The following PARD3B variants were observed in gnomAD, a reference collection of about 807,000 sequenced individuals.
The protein encoded by PARD3B is partitioning defective 3 homolog B.
Under a neutral mutation model 130.2 loss-of-function variants are expected in PARD3B, and 103 were observed. That is an observed-to-expected ratio of 0.79 (90% CI 0.67 to 0.93). PARD3B has a LOEUF of 0.93. Among genes scored for constraint, PARD3B ranks in the 40% least tolerant of loss-of-function variants. The pLI is 0.00. For missense variants in PARD3B, 1,609 were observed against 1,499.2 expected, an observed-to-expected ratio of 1.07 and a Z score of -1.21; for synonymous variants, 583 against 553.2, an observed-to-expected ratio of 1.05 and a Z score of -0.76.
chr2:205,599,361 T>A (rs1432593751), intron 22 of PARD3B, among the ~76,000 whole-genome samples: 1 of 152,220 alleles, frequency 6.6e-6, no homozygotes, highest in Non-Finnish European at 1.5e-5. Context: ...AGTCTAATGT[T>A]CACACAGTTC....
intron 4 of PARD3B, among the ~76,000 whole-genome samples, chr2:205,061,303 T>C (rs1211173174): frequency 6.6e-6 from 1 of 152,164 alleles, no homozygotes; most frequent in Non-Finnish European, 1.5e-5. Flanking sequence ...AACCATGAGA[T>C]GTGGAAGGCT....
Position 205,011,268 on chromosome 2 carries a change from CG to C in PARD3B, c.395-36309del, listed in dbSNP as rs1695690569. Among the ~76,000 whole-genome samples, 1 of 152,128 alleles carries C rather than the reference CG, an allele frequency of 6.6e-6. No homozygotes were observed. The highest frequency in any genetic ancestry group is 2.4e-5 in the African/African-American group (1 of 41,430). On this transcript the variant is annotated intron_variant, in intron 3 of 22. Transcript: ENST00000406610. This position sits in a 1 kb window ranked among gnomAD's most constrained non-coding sequence, Gnocchi z 4.1. ...ATGGCTTAGCTTGGTGATTCTGGCT[CG>C]GGGTTTCCCAAGAGTCTGTAGCCAA...
rs191401696 is a variant in PARD3B at position 204,736,659 on chromosome 2, T to C, written c.222+50377T>C. On this transcript the variant is annotated intron_variant, in intron 2 of 22. Coordinates refer to ENST00000406610, the MANE Select transcript of PARD3B (RefSeq NM_001302769.2). The stretch of plus-strand genomic sequence containing the variant: ...TATTCCATAGTGTATATGTACCACA[T>C]TTTCTTTATCCACTTGGAAGTTGAT... Among the ~76,000 whole-genome samples the C allele has an allele frequency of 2.8e-4, 42 of 152,346 alleles. 2 individuals carry two copies. In the East Asian group the frequency reaches 5.8e-3, roughly 21 times the overall value.
At chr2:205,509,098 T>A (rs1186535906) in intron 21 of PARD3B, among the ~76,000 whole-genome samples, 2 of 152,010 alleles carry the variant, frequency 1.3e-5, no homozygotes, top group East Asian at 1.9e-4. Context: ...AGCCTTTAAA[T>A]ATAGCATAAA....
intron 22 of PARD3B, among the ~76,000 whole-genome samples, chr2:205,598,824 AC>A (rs1278188660): frequency 1.3e-5 from 2 of 152,206 alleles, no homozygotes; most frequent in African/African-American, 4.8e-5. Context: ...TGTCAAAACC[AC>A]ACAATTACAT....
intron 15 of PARD3B, among the ~76,000 whole-genome samples, chr2:205,233,727 T>C (rs112822285): frequency 3.3e-5 from 5 of 152,248 alleles, no homozygotes; most frequent in African/African-American, 7.2e-5. Flanking sequence ...GCCTTACATG[T>C]GCTCAGAAAA....
intron 2 of PARD3B, among the ~76,000 whole-genome samples, chr2:204,718,910 C>T (rs1407250878): frequency 5.9e-5 from 9 of 152,152 alleles, no homozygotes; most frequent in Non-Finnish European, 1.0e-4. Flanking sequence ...ATATATGTAT[C>T]GTTGCATTTT....
chr2:204,953,511 G>T (rs1234457249), intron 2 of PARD3B, among the ~76,000 whole-genome samples: 1 of 149,780 alleles, frequency 6.7e-6, no homozygotes, highest in Non-Finnish European at 1.5e-5. Flanking sequence ...TTGAAGTTTT[G>T]TTCACTTTTT....
intron 1 of PARD3B, among the ~76,000 whole-genome samples, chr2:204,615,441 A>G (rs1257787672): frequency 1.3e-5 from 2 of 152,204 alleles, no homozygotes; most frequent in Non-Finnish European, 2.9e-5. Flanking sequence ...GACTTATGCT[A>G]ATCTTCCAAA....
At chr2:204,792,169 T>C (rs927056003) in intron 2 of PARD3B, among the ~76,000 whole-genome samples, 1 of 152,188 alleles carries the variant, frequency 6.6e-6, no homozygotes, top group Non-Finnish European at 1.5e-5. Flanking sequence ...ATTTGGTAAA[T>C]AGAAAAATTC....
chr2:205,043,822 A>T (rs1290386815), intron 3 of PARD3B, among the ~76,000 whole-genome samples: 1 of 151,664 alleles, frequency 6.6e-6, no homozygotes, highest in African/African-American at 2.4e-5. Flanking sequence ...TATTATTATT[A>T]TACTTTAAGT....
intron 22 of PARD3B, among the ~76,000 whole-genome samples, chr2:205,582,226 G>A (rs988231353): frequency 7.2e-5 from 11 of 152,168 alleles, no homozygotes; most frequent in East Asian, 1.9e-4. Flanking sequence ...GTGGGACATC[G>A]GCTAACACAC....
chr2:205,579,056 G>A (rs1352971290), intron 22 of PARD3B, among the ~76,000 whole-genome samples: 2 of 152,144 alleles, frequency 1.3e-5, no homozygotes, highest in South Asian at 2.1e-4. Flanking sequence ...TTAGCAAAAC[G>A]TAAAAATGTA....
chr2:204,697,171 T>C (rs952235218), intron 2 of PARD3B, among the ~76,000 whole-genome samples: 5 of 152,130 alleles, frequency 3.3e-5, no homozygotes, highest in African/African-American at 1.2e-4. Flanking sequence ...GTGTGGCCAC[T>C]GTATACCAGT....
chr2:205,499,276 T>C (rs1479420307), intron 20 of PARD3B, among the ~76,000 whole-genome samples: 2 of 151,710 alleles, frequency 1.3e-5, no homozygotes, highest in African/African-American at 4.8e-5. Flanking sequence ...GAGAAGAACT[T>C]GGATTAGCAC....
At chr2:204,761,001 C>T (rs1023135807) in intron 2 of PARD3B, among the ~76,000 whole-genome samples, 1 of 152,158 alleles carries the variant, frequency 6.6e-6, no homozygotes, top group Non-Finnish European at 1.5e-5. Flanking sequence ...AGACATTTTA[C>T]AGATATTCTT....
At chr2:205,317,700 C>A (rs2042608775) in intron 18 of PARD3B, among the ~76,000 whole-genome samples, 1 of 152,062 alleles carries the variant, frequency 6.6e-6, no homozygotes, top group Non-Finnish European at 1.5e-5. Flanking sequence ...CATAAAAATT[C>A]TCTGAAAAAT....
intron 20 of PARD3B, among the ~76,000 whole-genome samples, chr2:205,441,802 G>C (rs1180310710): frequency 6.6e-6 from 1 of 152,172 alleles, no homozygotes; most frequent in Non-Finnish European, 1.5e-5. Flanking sequence ...CAATAACCAA[G>C]TGGGAAGGAA....
intron 21 of PARD3B, among the ~76,000 whole-genome samples, chr2:205,510,518 A>G (rs961909862): frequency 2.0e-5 from 3 of 152,128 alleles, no homozygotes; most frequent in South Asian, 2.1e-4. Flanking sequence ...AGCAAATTCC[A>G]TTGGTCCAAA....
Sources: allele counts gnomAD v4.1 joint callset (sites outside exome capture counted in the v4.1 genomes callset), GRCh38; gene constraint gnomAD v4.1.1; non-coding constraint Gnocchi (gnomAD v3.1); transcripts MANE v1.5; gene names NCBI Gene and HGNC (gene_info 2026-07-23, HGNC 2026-07-21).